Variants in KLF8 observed in about 807,000 individuals in gnomAD.
KLF8 encodes Krueppel-like factor 8.
KLF8 carries 10 observed loss-of-function variants against 18.2 expected under a neutral mutation model. The ratio of observed to expected loss-of-function variants is 0.55; its 90% CI spans 0.34 to 0.93. The LOEUF (loss-of-function observed/expected upper bound fraction) is 0.93, where lower values mean the gene tolerates loss of function less well. KLF8 is among the 40% of genes least tolerant of loss of function. The pLI is 0.02. For missense variants in KLF8, 264 were observed against 277.9 expected (o/e 0.95, Z 0.36); for synonymous variants, 109 against 97.3 (o/e 1.12, Z -0.71).
the KLF8 span, among the ~76,000 whole-genome samples, chrX:56,204,858 G>C: frequency 9.1e-6 from 1 of 110,399 alleles, no homozygotes. Context: ...GCACTGATCT[G>C]TTTCATTTTA....
At chrX:55,920,815 T>A in the KLF8 span, among the ~76,000 whole-genome samples, 2 of 112,000 alleles carry the variant, frequency 1.8e-5, no homozygotes, top group South Asian at 3.7e-4. Flanking sequence ...TTCCTGATGA[T>A]GAAGAGAAAT....
At chrX:56,193,734 A>G in the KLF8 span, among the ~76,000 whole-genome samples, 1 of 111,899 alleles carries the variant, frequency 8.9e-6, no homozygotes, top group East Asian at 2.8e-4. Context: ...CAAACTTCAC[A>G]TGTTAAGGCT....
At chrX:56,057,855 G>A in the KLF8 span, among the ~76,000 whole-genome samples, 1 of 109,968 alleles carries the variant, frequency 9.1e-6, no homozygotes, top group African/African-American at 3.3e-5. Context: ...ACCTCAGCTG[G>A]ATTGCTACCC....
the KLF8 span, among the ~76,000 whole-genome samples, chrX:56,039,303 G>A: frequency 3.6e-5 from 4 of 111,631 alleles, no homozygotes; most frequent in East Asian, 5.6e-4. Context: ...GTCCTAAATG[G>A]TATTGCCTAG....
the KLF8 span, among the ~76,000 whole-genome samples, chrX:56,190,152 A>T: frequency 1.3e-4 from 15 of 111,753 alleles, no homozygotes; most frequent in Non-Finnish European, 2.5e-4. Context: ...ATTGCATGCC[A>T]TTGGAAACAT....
chrX:56,139,120 G>T, the KLF8 span, among the ~76,000 whole-genome samples: 6 of 111,376 alleles, frequency 5.4e-5, no homozygotes, highest in Admixed American at 1.9e-4. Flanking sequence ...TTTGTACAAA[G>T]AAAATTACAA....
intron 2 of KLF8, among the ~76,000 whole-genome samples, chrX:56,251,303 A>C (rs1448950718): frequency 1.8e-5 from 2 of 112,140 alleles, no homozygotes; most frequent in Non-Finnish European, 3.8e-5. Flanking sequence ...AACCTTGAAA[A>C]TCCTTAAATC....
chrX:56,186,743 C>A, the KLF8 span, among the ~76,000 whole-genome samples: 3 of 112,035 alleles, frequency 2.7e-5, no homozygotes, highest in Non-Finnish European at 3.8e-5. Flanking sequence ...CACTCAACTA[C>A]ATGGAAACTG....
At chrX:56,041,845 A>G in the KLF8 span, among the ~76,000 whole-genome samples, 2 of 111,345 alleles carry the variant, frequency 1.8e-5, no homozygotes, top group African/African-American at 6.5e-5. Context: ...ACATGCCACA[A>G]CACTCAGCTA....
At chrX:56,079,294 C>T in the KLF8 span, among the ~76,000 whole-genome samples, 2 of 110,497 alleles carry the variant, frequency 1.8e-5, no homozygotes, top group Non-Finnish European at 3.8e-5. Flanking sequence ...TATAAATTTC[C>T]CTCTACACAC....
chrX:56,058,900 G>A, the KLF8 span, among the ~76,000 whole-genome samples: 1 of 111,325 alleles, frequency 9.0e-6, no homozygotes, highest in Non-Finnish European at 1.9e-5. Flanking sequence ...TGATATTTCC[G>A]GTTCTAGGTT....
At chrX:56,179,244 TTAG>T in the KLF8 span, among the ~76,000 whole-genome samples, 15 of 112,129 alleles carry the variant, frequency 1.3e-4, no homozygotes, top group African/African-American at 4.9e-4. Context: ...TTTTATACTC[TTAG>T]TAGCAATTGT....
At chrX:56,127,105 A>C in the KLF8 span, among the ~76,000 whole-genome samples, 2 of 110,858 alleles carry the variant, frequency 1.8e-5, no homozygotes, top group Non-Finnish European at 3.8e-5. Flanking sequence ...AGTGCCTCCC[A>C]GAGAGACCTG....
At chrX:56,155,303 A>T in the KLF8 span, among the ~76,000 whole-genome samples, 1 of 111,359 alleles carries the variant, frequency 9.0e-6, no homozygotes, top group Non-Finnish European at 1.9e-5. Flanking sequence ...ATGTCCTTTA[A>T]AGGGACATGC....
the KLF8 span, among the ~76,000 whole-genome samples, chrX:56,142,490 C>T: frequency 9.0e-6 from 1 of 111,012 alleles, no homozygotes; most frequent in African/African-American, 3.3e-5. Flanking sequence ...TCTTTGTATG[C>T]TCGCTTTTTA....
At chrX:56,275,897 G>T (rs1346661767) in intron 5 of KLF8, among the ~76,000 whole-genome samples, 2 of 111,556 alleles carry the variant, frequency 1.8e-5, no homozygotes, top group Admixed American at 9.5e-5. Flanking sequence ...TTTTGTTGAG[G>T]ATTTTTGCAT....
chrX:56,003,386 G>T, the KLF8 span, among the ~76,000 whole-genome samples: 1 of 106,892 alleles, frequency 9.4e-6, no homozygotes, highest in Non-Finnish European at 1.9e-5. Context: ...CCCCAGCCTG[G>T]GTGACAGAGC....
chrX:56,012,398 C>A, the KLF8 span, among the ~76,000 whole-genome samples: 1 of 111,710 alleles, frequency 9.0e-6, no homozygotes, highest in Admixed American at 9.5e-5. Context: ...TTCAACATCC[C>A]TTCATATTAA....
At chrX:56,273,060 G>C (rs1258554681) in intron 5 of KLF8, among the ~76,000 whole-genome samples, 1 of 111,580 alleles carries the variant, frequency 9.0e-6, no homozygotes, top group African/African-American at 3.3e-5. Flanking sequence ...TTAATTTCTT[G>C]ATAGAGTTTT....
Sources: gnomAD v4.1 joint callset for allele counts (sites outside exome capture counted in the v4.1 genomes callset) on GRCh38, gnomAD v4.1.1 for gene constraint, MANE v1.5 for transcripts, NCBI Gene and HGNC (gene_info 2026-07-23, HGNC 2026-07-21) for gene names.